The following TTC23 variants were observed in gnomAD, a reference collection of about 807,000 sequenced individuals.
TTC23 encodes tetratricopeptide repeat protein 23.
Under a neutral mutation model 55.1 loss-of-function variants are expected in TTC23, and 58 were observed. That is an observed-to-expected ratio of 1.05 (90% CI 0.85 to 1.31). TTC23 has a LOEUF of 1.31. Ranked by LOEUF, TTC23 falls within the 50% of genes most tolerant of loss-of-function variation. The probability of loss-of-function intolerance (pLI) is 0.00; values close to 1 mark genes in which losing one functional copy is unlikely to be tolerated. For missense variants in TTC23, 516 were observed against 534.4 expected (o/e 0.97, Z 0.34); for synonymous variants, 203 against 199.9 (o/e 1.02, Z -0.13).
At chr15:99,176,112 C>T (rs2073518020) in intron 9 of TTC23, among the ~76,000 whole-genome samples, 2 of 152,184 alleles carry the variant, frequency 1.3e-5, no homozygotes, top group African/African-American at 2.4e-5. Context: ...CTACTCAACT[C>T]CCTGTCAGCA....
At chr15:99,142,256 CAGAA>C (rs1336716331) in intron 12 of TTC23, among the ~76,000 whole-genome samples, 1 of 152,160 alleles carries the variant, frequency 6.6e-6, no homozygotes, top group Admixed American at 6.5e-5. Flanking sequence ...AGGTGGTGCT[CAGAA>C]AGGGCCACAG....
chr15:99,190,181 A>AAAAG (rs57945122), intron 9 of TTC23, among the ~76,000 whole-genome samples: 72,040 of 148,428 alleles, frequency 0.49, 17,764 homozygotes, highest in African/African-American at 0.58. Flanking sequence ...CCTGTCTAAA[A>AAAAG]AAAGAAAGAA....
chr15:99,212,777 C>T (rs34248439), intron 8 of TTC23, among the ~76,000 whole-genome samples: 11,930 of 151,952 alleles, frequency 0.079, 524 homozygotes, highest in Admixed American at 0.12. Context: ...ACAGGAGGAT[C>T]GCTTGAGCCC....
intron 4 of TTC23, among the ~76,000 whole-genome samples, chr15:99,232,635 A>T (rs2079023096): frequency 6.6e-6 from 1 of 152,226 alleles, no homozygotes; most frequent in South Asian, 2.1e-4. Flanking sequence ...AATGGCTATG[A>T]TTAAAAAAAG....
intron 5 of TTC23, among the ~76,000 whole-genome samples, chr15:99,225,504 C>T (rs534695536): frequency 6.6e-6 from 1 of 152,258 alleles, no homozygotes; most frequent in Non-Finnish European, 1.5e-5. Context: ...ACTCAGGAGC[C>T]AGCTGGAAGG....
intron 4 of TTC23, 102 bp from the exon 5 acceptor site, chr15:99,228,834 T>C: frequency 1.1e-6 from 1 of 940,984 alleles, no homozygotes; most frequent in Non-Finnish European, 1.5e-6. Flanking sequence ...TTGAAATTAG[T>C]AGCATTATAT....
intron 5 of TTC23, among the ~76,000 whole-genome samples, chr15:99,224,973 T>C (rs2078269696): frequency 6.6e-6 from 1 of 152,102 alleles, no homozygotes; most frequent in Non-Finnish European, 1.5e-5. Flanking sequence ...ATGACTACTT[T>C]GGAGAGAGAG....
intron 12 of TTC23, among the ~76,000 whole-genome samples, chr15:99,152,747 T>C (rs782713972): frequency 4.6e-5 from 7 of 152,158 alleles, no homozygotes; most frequent in Non-Finnish European, 7.3e-5. Flanking sequence ...TTAAATGAGT[T>C]AATATACACG....
At chr15:99,245,759 C>G (rs888957880) in intron 1 of TTC23, among the ~76,000 whole-genome samples, 2 of 151,130 alleles carry the variant, frequency 1.3e-5, no homozygotes, top group African/African-American at 2.4e-5. Context: ...GGAGTAAAGA[C>G]TTAACAGTAA....
In TTC23 at chr15:99,156,135, G is replaced by C. The variant is rs1285514169; in HGVS notation, c.1143+13C>G. The C allele has an allele frequency of 6.2e-7, 1 of 1,614,152 alleles. No individual in the cohort carries two copies. Among genetic ancestry groups the C allele is most frequent in the East Asian group, 2.2e-5 (1 of 44,886 alleles). ...AGAGCCTAGTCTCGTGTTAGTACTG[G>C]TTCCAGCTTTACCTTCTTCAGTTTC... is the stretch of plus-strand genomic sequence containing the variant. On this transcript the variant is annotated intron_variant, in intron 12 of 13. Transcript: ENST00000394132.
chr15:99,222,866 G>A (rs561091807), intron 5 of TTC23, among the ~76,000 whole-genome samples: 229 of 151,998 alleles, frequency 1.5e-3, no homozygotes, highest in African/African-American at 5.3e-3. Flanking sequence ...GCATGGTGGC[G>A]GCCGCCCGTA....
rs760038465 is a variant in TTC23, at chr15:99,194,552, CAAAAAAAAAA to C, written c.759+5357_759+5366del. Among the ~76,000 whole-genome samples the C allele has an allele frequency of 1.2e-4, 5 of 40,478 alleles. No individual in the cohort carries two copies. In the East Asian group the frequency reaches 4.4e-3, roughly 35 times the overall value. 26.6% of individuals were successfully genotyped at this position (40,478 alleles called of 152,430 possible). ...TGCTGGAAAAATTGGACATCACGTGCAAAAAAAAAAAAAAAAAAAAAAAGATTTCAGACAC... is the reference window on the plus strand; with the variant it reads ...TGCTGGAAAAATTGGACATCACGTGCAAAAAAAAAAAAAGATTTCAGACAC... On this transcript the variant is annotated intron_variant, in intron 9 of 13. Coordinates refer to ENST00000394132, the MANE Select transcript of TTC23 (RefSeq NM_001288615.3).
chr15:99,170,926 C>T (rs1267816525), intron 10 of TTC23, among the ~76,000 whole-genome samples: 1 of 152,236 alleles, frequency 6.6e-6, no homozygotes. Flanking sequence ...CCACATCTGC[C>T]ACTGTGGGCA....
intron 12 of TTC23, among the ~76,000 whole-genome samples, chr15:99,150,259 T>G (rs1160247344): frequency 6.6e-6 from 1 of 152,218 alleles, no homozygotes; most frequent in African/African-American, 2.4e-5. Flanking sequence ...CTGAGTCCTC[T>G]TGTCTCCATT....
chr15:99,146,937 CGG>C (rs1361391224), intron 12 of TTC23, among the ~76,000 whole-genome samples: 41 of 152,170 alleles, frequency 2.7e-4, no homozygotes, highest in African/African-American at 9.7e-4. Flanking sequence ...TTTTTTGAGA[CGG>C]AGTCTCGCTC....
chr15:99,244,533 C>T (rs779168401), intron 2 of TTC23, among the ~76,000 whole-genome samples: 5 of 151,900 alleles, frequency 3.3e-5, no homozygotes, highest in Admixed American at 1.3e-4. Context: ...ATTAAGAAAA[C>T]ACTGATTCAA....
At chr15:99,158,013 C>T (rs956590523) in intron 11 of TTC23, 4 of 152,150 alleles carry the variant, frequency 2.6e-5, no homozygotes, top group African/African-American at 4.8e-5. Flanking sequence ...ACAAGGAGGG[C>T]GTTTAATCCT....
intron 8 of TTC23, among the ~76,000 whole-genome samples, chr15:99,215,103 G>A (rs143286615): frequency 0.016 from 2,414 of 151,010 alleles, 25 homozygotes; most frequent in Non-Finnish European, 0.027. Flanking sequence ...TGATCCACCC[G>A]CCTCGGCCTC....
chr15:99,218,714 C>A lies in TTC23; in HGVS notation c.456-1G>T, dbSNP rs772970039. 65 of 1,613,906 alleles carry A rather than the reference C, an allele frequency of 4.0e-5. No homozygotes were observed. In the Middle Eastern group the frequency reaches 1.2e-3, roughly 29 times the overall value. The stretch of plus-strand genomic sequence containing the variant: ...CAAATTCTCTGCAGCTTCCTTAAAT[C>A]TGAATTGTGTTCAGGAAATTTTCCA... On this transcript the variant is annotated splice_acceptor_variant, in intron 7 of 13. Coordinates refer to ENST00000394132, the MANE Select transcript of TTC23 (RefSeq NM_001288615.3). LOFTEE classifies it high-confidence loss of function.
Sources: gnomAD v4.1 joint callset for allele counts (sites outside exome capture counted in the v4.1 genomes callset) on GRCh38, gnomAD v4.1.1 for gene constraint, MANE v1.5 for transcripts, NCBI Gene and HGNC (gene_info 2026-07-23, HGNC 2026-07-21) for gene names.